MED12L: variants seen among roughly 807,000 people sequenced by gnomAD.
MED12L encodes mediator of RNA polymerase II transcription subunit 12-like protein.
A neutral mutation model predicts 281.3 loss-of-function variants in MED12L; 60 were observed. The observed-to-expected ratio is 0.21, with a 90% CI of 0.17 to 0.26. The LOEUF is 0.26. MED12L is among the 10% of genes least tolerant of loss of function. The probability of loss-of-function intolerance (pLI) is 1.00; values close to 1 mark genes in which losing one functional copy is unlikely to be tolerated. For missense variants in MED12L, 2,146 were observed against 2,680.9 expected (o/e 0.80, Z 4.41); for synonymous variants, 974 against 987.2 (o/e 0.99, Z 0.25).
At chr3:151,363,840 A>G (rs1277871102) in intron 21 of MED12L, among the ~76,000 whole-genome samples, 1 of 152,186 alleles carries the variant, frequency 6.6e-6, no homozygotes, top group African/African-American at 2.4e-5. Flanking sequence ...TTCTCAAGGA[A>G]TAGAGCTGAA....
At chr3:151,337,723 A>T in intron 16 of MED12L, 1 of 1,220,380 alleles carries the variant, frequency 8.2e-7, no homozygotes, top group Non-Finnish European at 1.2e-6. Context: ...TTATTAACTT[A>T]GTTGCTTCTT....
At chr3:151,293,317 A>G (rs1373304381) in intron 16 of MED12L, among the ~76,000 whole-genome samples, 1 of 152,208 alleles carries the variant, frequency 6.6e-6, no homozygotes, top group Non-Finnish European at 1.5e-5. Context: ...ACTGTTAACC[A>G]TAACGTCTTC....
At chr3:151,311,500 C>T (rs1167407562) in intron 16 of MED12L, among the ~76,000 whole-genome samples, 2 of 152,026 alleles carry the variant, frequency 1.3e-5, no homozygotes, top group Non-Finnish European at 2.9e-5. Flanking sequence ...ATGGCATTTA[C>T]TATTCTTCTA....
At chr3:151,345,232 G>C (rs1207234166) in intron 16 of MED12L, among the ~76,000 whole-genome samples, 1 of 152,178 alleles carries the variant, frequency 6.6e-6, no homozygotes, top group Non-Finnish European at 1.5e-5. Context: ...TAGGATAAAA[G>C]AGGTAGCCTG....
At position 151,413,178 on chromosome 3, in the gene MED12L, C is replaced by T. The variant is rs1203935018; in HGVS notation, c.6180C>T (p.Gly2060=). ...CTCTACAGCAGAGCCCTCTGGTGGG[C>T]GGGGGAATTGATGCTGTGCTGACTT... The part of the protein sequence containing the change: ...HQALQQSPLV[G]GGIDAVLTSA... The change falls in exon 42 of 45, where the codon GGC becomes GGT. Residue 2060 remains glycine (G), a synonymous_variant. Coordinates refer to ENST00000687756, the MANE Select transcript of MED12L (RefSeq NM_001393769.1). 6 of 1,613,870 alleles carry T rather than the reference C, an allele frequency of 3.7e-6. No homozygotes were observed. The highest frequency in any genetic ancestry group is 1.1e-5 in the South Asian group (1 of 91,066).
At chr3:151,293,645 A>C (rs1307085879) in intron 16 of MED12L, among the ~76,000 whole-genome samples, 4 of 36,464 alleles carry the variant, frequency 1.1e-4, no homozygotes, top group Admixed American at 3.5e-4. Flanking sequence ...CCTTACACAC[A>C]CACACACACA....
chr3:151,247,037 G>A (rs1042166079), intron 16 of MED12L, among the ~76,000 whole-genome samples: 1 of 152,196 alleles, frequency 6.6e-6, no homozygotes. Context: ...TGGCATCAGA[G>A]AAATGCAAAC....
chr3:151,238,841 G>A (rs1052985216), intron 16 of MED12L, among the ~76,000 whole-genome samples: 15 of 152,140 alleles, frequency 9.9e-5, no homozygotes, highest in African/African-American at 3.6e-4. Flanking sequence ...ATTGTCTAGA[G>A]GAATGAACAC....
intron 16 of MED12L, among the ~76,000 whole-genome samples, chr3:151,326,009 GTGTT>G (rs976390305): frequency 6.6e-6 from 1 of 152,140 alleles, no homozygotes; most frequent in African/African-American, 2.4e-5. Context: ...CTTTCTAAAG[GTGTT>G]TGTTATATTC....
intron 16 of MED12L, among the ~76,000 whole-genome samples, chr3:151,235,014 T>TG (rs2149345618): frequency 1.3e-5 from 2 of 152,354 alleles, no homozygotes; most frequent in South Asian, 4.1e-4. Flanking sequence ...AGCTCAGGCG[T>TG]GTTTTTTTGT....
chr3:151,279,480 G>A (rs79423281), intron 16 of MED12L, among the ~76,000 whole-genome samples: 4,293 of 152,256 alleles, frequency 0.028, 151 homozygotes, highest in African/African-American at 0.076. Context: ...TCACAGACTT[G>A]CTAGTCACTG....
At chr3:151,154,813 CATAG>C (rs1560100980) in intron 5 of MED12L, among the ~76,000 whole-genome samples, 1 of 152,172 alleles carries the variant, frequency 6.6e-6, no homozygotes, top group African/African-American at 2.4e-5. Flanking sequence ...AACATGATGA[CATAG>C]ATAGTTTACT....
At chr3:151,096,213 C>T (rs1720689964) in intron 2 of MED12L, among the ~76,000 whole-genome samples, 1 of 152,152 alleles carries the variant, frequency 6.6e-6, no homozygotes, top group African/African-American at 2.4e-5. Context: ...GACCTTGGGA[C>T]CACTTCTCCT....
Position 151,383,748 on chromosome 3 carries a change from T to A in MED12L, c.4681-31T>A, listed in dbSNP as rs758102160. The A allele has an allele frequency of 5.1e-5, 73 of 1,422,250 alleles. No homozygotes were observed. The South Asian group carries it at 8.3e-4, about 16-fold the overall frequency. The allele number at this position is 1,422,250 out of a possible 1,614,324, so 88.1% of individuals were successfully genotyped here. A position where few individuals can be genotyped will look rare whatever the true frequency, so the allele number is the denominator to read the frequency against. On this transcript the variant is annotated intron_variant, in intron 33 of 44. Transcript: ENST00000687756. ...GGGGTGTTCTTTCTGTTTTACAGAA[T>A]GCAAATATCTTACTGTATTTTGTCT...
At chr3:151,275,435 G>T (rs1741691996) in intron 16 of MED12L, among the ~76,000 whole-genome samples, 1 of 152,024 alleles carries the variant, frequency 6.6e-6, no homozygotes, top group African/African-American at 2.4e-5. Context: ...AACAACAGAT[G>T]GGAGGTTTCA....
At chr3:151,217,481 A>T (rs1325408621) in intron 16 of MED12L, among the ~76,000 whole-genome samples, 1 of 152,214 alleles carries the variant, frequency 6.6e-6, no homozygotes, top group Non-Finnish European at 1.5e-5. Context: ...GACCAAGGTA[A>T]ACTTCTAGAG....
At chr3:151,418,237 T>C (rs1321168174) in intron 43 of MED12L, among the ~76,000 whole-genome samples, 1 of 152,226 alleles carries the variant, frequency 6.6e-6, no homozygotes, top group Non-Finnish European at 1.5e-5. Flanking sequence ...TCACTTTTTT[T>C]TTTCCAAAAC....
intron 5 of MED12L, among the ~76,000 whole-genome samples, chr3:151,140,677 T>TTTAA (rs1376454196): frequency 7.5e-6 from 1 of 133,090 alleles, no homozygotes; most frequent in African/African-American, 3.5e-5. Flanking sequence ...TTTGAATTTA[T>TTTAA]TTATTTATTA....
chr3:151,368,659 C>T (rs1190651604), intron 25 of MED12L, among the ~76,000 whole-genome samples: 77 of 57,658 alleles, frequency 1.3e-3, no homozygotes, highest in African/African-American at 5.8e-3. Flanking sequence ...CATTTCATTT[C>T]ATTTCATTTC....
Sources: gnomAD v4.1 joint callset for allele counts (sites outside exome capture counted in the v4.1 genomes callset) on GRCh38, gnomAD v4.1.1 for gene constraint, MANE v1.5 for transcripts, NCBI Gene and HGNC (gene_info 2026-07-23, HGNC 2026-07-21) for gene names.